The following VWF variants were observed in gnomAD, a reference collection of about 807,000 sequenced individuals.
VWF encodes the protein Factor VIII related antigen.
A neutral mutation model predicts 308.6 loss-of-function variants in VWF; 176 were observed. The ratio of observed to expected loss-of-function variants is 0.57; its 90% CI spans 0.50 to 0.65. The LOEUF (loss-of-function observed/expected upper bound fraction) is 0.65. Ranked by LOEUF, VWF falls within the 30% of genes least tolerant of loss-of-function variation. VWF has a pLI of 0.00. For synonymous variants in VWF, 1,385 were observed against 1,443.4 expected, an observed-to-expected ratio of 0.96 and a Z score of 0.92; for missense variants, 3,146 against 3,648.2, an observed-to-expected ratio of 0.86 and a Z score of 3.55.
At chr12:6,068,299 GC>G (rs1355457302) in intron 10 of VWF, among the ~76,000 whole-genome samples, 1 of 151,984 alleles carries the variant, frequency 6.6e-6, no homozygotes, top group Non-Finnish European at 1.5e-5. Context: ...CCTGGACGCG[GC>G]TGCCCTGCTC....
In VWF at chr12:6,056,904, C is replaced by T; in HGVS notation, c.1898G>A (p.Cys633Tyr). ...CGALASYAAA[C>Y]AGRGVRVAWR... ...CGCGACGCGCACGCCTCTCCCCGCGCAGGCCGCGGCATAGCTGGCCAGGGC... is the reference window on the plus strand; with the variant it reads ...CGCGACGCGCACGCCTCTCCCCGCGTAGGCCGCGGCATAGCTGGCCAGGGC... Residue 633 changes from cysteine to tyrosine, a missense_variant, in exon 15 of 52, where the codon TGC (cysteine) becomes TAC (tyrosine). Physicochemically the swap from Cys to Tyr is radical, Grantham distance 194. Coordinates refer to ENST00000261405, the MANE Select transcript of VWF (RefSeq NM_000552.5). 6.6e-7 allele frequency: 1 copy of T among 1,523,430 alleles called. No individual in the cohort carries two copies. Among genetic ancestry groups the T allele is most frequent in the African/African-American group, 1.4e-5 (1 of 71,288 alleles). The allele number at this position is 1,523,430 out of a possible 1,614,324, so 94.4% of individuals were successfully genotyped here. A position where few individuals can be genotyped will look rare whatever the true frequency, so the allele number is the denominator to read the frequency against.
chr12:5,949,279 T>G, intron 51 of VWF, 76 bp from the exon 52 acceptor site: 1 of 1,505,938 alleles, frequency 6.6e-7, no homozygotes, highest in Non-Finnish European at 9.1e-7. Flanking sequence ...TGGGGCAGCC[T>G]GCTTTCTCCC....
At chr12:6,047,152 T>C (rs1944454287) in intron 16 of VWF, among the ~76,000 whole-genome samples, 1 of 152,200 alleles carries the variant, frequency 6.6e-6, no homozygotes, top group African/African-American at 2.4e-5. Flanking sequence ...GTGCCCCCAC[T>C]GCCTGGCCTT....
At chr12:6,079,324 G>C (rs568475394) in intron 6 of VWF, among the ~76,000 whole-genome samples, 1 of 152,272 alleles carries the variant, frequency 6.6e-6, no homozygotes, top group South Asian at 2.1e-4. Context: ...ACAGGTCCAA[G>C]GGCCAGGCGC....
chr12:5,992,152 C>T, intron 37 of VWF, 134 bp from the exon 38 acceptor site: 2 of 793,694 alleles, frequency 2.5e-6, no homozygotes, highest in Non-Finnish European at 4.2e-6. Context: ...AATCTTCATC[C>T]TCCCCACCTT....
chr12:6,089,520 G>T (rs75509945), intron 6 of VWF, among the ~76,000 whole-genome samples: 2 of 152,034 alleles, frequency 1.3e-5, no homozygotes, highest in South Asian at 2.1e-4. Flanking sequence ...AAGGTGCCCC[G>T]GGAGGCAAAC....
At chr12:5,997,797 A>G (rs1943822561) in intron 34 of VWF, among the ~76,000 whole-genome samples, 1 of 152,224 alleles carries the variant, frequency 6.6e-6, no homozygotes, top group Non-Finnish European at 1.5e-5. Context: ...AAACCATCAC[A>G]TTATACTCCA....
chr12:6,103,443 C>CACGTGTGTATAT (rs1565391052), intron 5 of VWF, among the ~76,000 whole-genome samples: 2 of 115,764 alleles, frequency 1.7e-5, no homozygotes, highest in Non-Finnish European at 3.4e-5. Flanking sequence ...TGTGTATATA[C>CACGTGTGTATAT]ATACACATAT....
chr12:6,117,403 C>T (rs991363784), intron 3 of VWF, among the ~76,000 whole-genome samples: 2 of 152,192 alleles, frequency 1.3e-5, no homozygotes, highest in Non-Finnish European at 2.9e-5. Flanking sequence ...TGACCCTGAC[C>T]TCGTGGAAAT....
In VWF at chr12:6,025,662, T is replaced by G; in HGVS notation, c.3140A>C (p.His1047Pro). Residue 1047 changes from histidine (H) to proline (P), a missense_variant, in exon 24 of 52, where the codon CAT becomes CCT. His to Pro is a moderately conservative substitution (Grantham distance 77, BLOSUM62 -2). Transcript: ENST00000261405. ...CATCGTCTGCTTCATGATGTTGTTA[T>G]GGCAGGTGGCAGGGGATGAGTCCAG... ...VPLDSSPATC[H>P]NNIMKQTMVD... 6.4e-7 allele frequency: 1 copy of G among 1,566,100 alleles called. No individual in the cohort carries two copies. Among genetic ancestry groups the G allele is most frequent in the Non-Finnish European group, 8.8e-7 (1 of 1,139,812 alleles).
chr12:6,093,479 A>C (rs1033310401), intron 6 of VWF, among the ~76,000 whole-genome samples: 1 of 152,074 alleles, frequency 6.6e-6, no homozygotes, highest in African/African-American at 2.4e-5. Flanking sequence ...CCACTGCCCA[A>C]CTCTGCTTCT....
At position 5,994,186 on chromosome 12, in the gene VWF, C is replaced by T. The variant is rs767280593; in HGVS notation, c.6274G>A (p.Gly2092Arg). ...TCCCTCAGCATGAAGTCATTGGCTC[C>T]GTTCTCATCACAGATCCCTAGAGAA... ...YGLCGICDEN[G>R]ANDFMLRDGT... Residue 2092 changes from glycine (G) to arginine (R), a missense_variant, in exon 37 of 52, where the codon GGA (glycine) becomes AGA (arginine). Gly to Arg is a moderately radical substitution (Grantham distance 125, BLOSUM62 -2). This residue lies in a region of VWF where 989 missense variants were observed against 1,117.4 expected (regional missense o/e 0.89). Coordinates refer to ENST00000261405, the MANE Select transcript of VWF (RefSeq NM_000552.5). 12 of 1,613,890 alleles carry T rather than the reference C, an allele frequency of 7.4e-6. No homozygotes were observed. Among genetic ancestry groups the T allele is most frequent in the Middle Eastern group, 1.6e-4 (1 of 6,084 alleles).
At chr12:5,951,716 TC>T in intron 50 of VWF, 127 bp downstream of exon 50, 1 of 1,074,108 alleles carries the variant, frequency 9.3e-7, no homozygotes, top group Non-Finnish European at 1.4e-6. Context: ...GAAATATCTT[TC>T]TGAAATAAAG....
rs578025485 is a variant in VWF, at chr12:5,993,633, A to G, written c.6598+229T>C. ...TATGTGTGTATATATATACATATAT[A>G]TGTGTGTGTGTGTGTGTATATATAT... is the stretch of plus-strand genomic sequence containing the variant. On this transcript the variant is annotated intron_variant, in intron 37 of 51. Coordinates refer to ENST00000261405, the MANE Select transcript of VWF (RefSeq NM_000552.5). 1.0e-3 allele frequency among the ~76,000 whole-genome samples: 144 copies of G among 143,694 alleles called. 1 individual carries two copies. Among genetic ancestry groups the G allele is most frequent in the Admixed American group, 1.9e-3 (27 of 14,056 alleles). 94.3% of individuals were successfully genotyped at this position (143,694 alleles called of 152,430 possible).
At chr12:6,029,175 G>T (rs1944228790) in intron 22 of VWF, among the ~76,000 whole-genome samples, 167 bp downstream of exon 22, 1 of 151,848 alleles carries the variant, frequency 6.6e-6, no homozygotes, top group Non-Finnish European at 1.5e-5. Context: ...ATTACATAAT[G>T]GTAAAGGGAT....
rs143762054 is a variant in VWF at position 6,034,747 on chromosome 12, G to A, written c.2626C>T (p.Leu876Phe). The change falls in exon 20 of 52, where the codon CTC becomes TTC. Residue 876 changes from leucine (L) to phenylalanine (F), a missense_variant. By Grantham distance (22) the Leu-to-Phe change is conservative (BLOSUM62 0). Coordinates refer to ENST00000261405, the MANE Select transcript of VWF (RefSeq NM_000552.5). ...TCSTIGMAHY[L>F]TFDGLKYLFP... ...AGGTATTTGAGCCCGTCGAAGGTGA[G>A]GTAGTGGGCCATGCCGATCGTGGAG... 44 of 1,614,122 alleles carry A rather than the reference G, an allele frequency of 2.7e-5. No homozygotes were observed. The African/African-American group carries it at 5.6e-4, about 21-fold the overall frequency.
At chr12:6,031,399 G>C in intron 21 of VWF, 45 bp downstream of exon 21, 1 of 1,614,122 alleles carries the variant, frequency 6.2e-7, no homozygotes, top group East Asian at 2.2e-5. Flanking sequence ...TTAAGTGGCA[G>C]AAGCACAAAG....
Position 6,019,179 on chromosome 12 carries a change from C to T in VWF, c.4239G>A (p.Pro1413=), listed in dbSNP as rs746717649. 5.2e-5 allele frequency: 84 copies of T among 1,613,828 alleles called. No homozygotes were observed. The highest frequency in any genetic ancestry group is 1.6e-4 in the Middle Eastern group (1 of 6,078). Residue 1413 remains proline (P), a synonymous_variant, in exon 28 of 52, where the codon CCG becomes CCA. Transcript: ENST00000261405. The surrounding 1 kb of genome is among the most constrained non-coding windows in gnomAD (Gnocchi z 5.8). ...GGTTGGCATGGGGCCCAATGCCCAC[C>T]GGGATCACAATGACCTTCTTCTTCT... ...GLKKKKVIVI[P]VGIGPHANLK... is the part of the protein sequence containing the mutation.
In VWF at chr12:6,065,528, C is replaced by T. The variant is rs147926138; in HGVS notation, c.1157-255G>A. Among the ~76,000 whole-genome samples, 9 of 152,328 alleles carry T rather than the reference C, an allele frequency of 5.9e-5. No individual in the cohort carries two copies. In the East Asian group the frequency reaches 1.7e-3, roughly 29 times the overall value. On this transcript the variant is annotated intron_variant, in intron 10 of 51. Transcript: ENST00000261405. ...GCAACTAAGGAAGGTGACAGAGCCACACTCAGTCAGTGGTGGAACCACGCA... is the reference window on the plus strand; with the variant it reads ...GCAACTAAGGAAGGTGACAGAGCCATACTCAGTCAGTGGTGGAACCACGCA...
Sources: allele counts gnomAD v4.1 joint callset (sites outside exome capture counted in the v4.1 genomes callset), GRCh38; gene constraint gnomAD v4.1.1; regional missense constraint gnomAD v4.1.1; non-coding constraint Gnocchi (gnomAD v3.1); transcripts MANE v1.5; gene names NCBI Gene and HGNC (gene_info 2026-07-23, HGNC 2026-07-21).